Variants in CCNY observed in about 807,000 individuals in gnomAD.
CCNY encodes cyclin Y.
Under a neutral mutation model 42.8 loss-of-function variants are expected in CCNY, and 19 were observed. The ratio of observed to expected loss-of-function variants is 0.44; its 90% CI spans 0.31 to 0.65. CCNY has a LOEUF of 0.65. Ranked by LOEUF, CCNY falls within the 30% of genes least tolerant of loss-of-function variation. The pLI is 0.07. For synonymous variants in CCNY, 165 were observed against 162.7 expected (o/e 1.01, Z -0.11); for missense variants, 370 against 437.3 (o/e 0.85, Z 1.37).
At chr10:35,440,616 T>C (rs183813562) in intron 1 of CCNY, among the ~76,000 whole-genome samples, 16 of 152,278 alleles carry the variant, frequency 1.1e-4, no homozygotes, top group African/African-American at 3.6e-4. Flanking sequence ...TATTCTGCTG[T>C]TTTAGACCCC....
chr10:35,308,071 C>T (rs1000530818), intron 3 of CCNY, among the ~76,000 whole-genome samples: 1 of 151,282 alleles, frequency 6.6e-6, no homozygotes. Flanking sequence ...CCCGCCTCGG[C>T]CTCCCAAAGT....
intron 1 of CCNY, among the ~76,000 whole-genome samples, chr10:35,247,887 A>AAAAG (rs2095709311): frequency 6.6e-6 from 1 of 150,412 alleles, no homozygotes; most frequent in South Asian, 2.1e-4. Flanking sequence ...AAAAAAAAAA[A>AAAAG]AAAAGAAAAG....
intron 3 of CCNY, among the ~76,000 whole-genome samples, chr10:35,288,599 A>G (rs1835379930): frequency 1.3e-5 from 2 of 152,034 alleles, no homozygotes; most frequent in Non-Finnish European, 2.9e-5. Context: ...GTATTTTTCT[A>G]CTTTTAGCAC....
chr10:35,417,410 T>G (rs898736289), intron 1 of CCNY, among the ~76,000 whole-genome samples: 13 of 152,218 alleles, frequency 8.5e-5, no homozygotes, highest in Non-Finnish European at 5.9e-5. Flanking sequence ...TCATTTAACT[T>G]TTCTGCCTTA....
intron 3 of CCNY, chr10:35,315,386 A>C (rs1835743169): frequency 6.6e-6 from 1 of 152,146 alleles, no homozygotes; most frequent in Non-Finnish European, 1.5e-5. Context: ...CTCCTGTGTT[A>C]GTTCACTAAG....
At chr10:35,280,139 C>T (rs986525271) in intron 3 of CCNY, among the ~76,000 whole-genome samples, 5 of 152,138 alleles carry the variant, frequency 3.3e-5, no homozygotes, top group Admixed American at 3.3e-4. Flanking sequence ...CCAGCTTGGG[C>T]TACATGATGA....
intron 8 of CCNY, among the ~76,000 whole-genome samples, chr10:35,557,242 C>T (rs1841378826): frequency 6.6e-6 from 1 of 152,104 alleles, no homozygotes; most frequent in African/African-American, 2.4e-5. Context: ...CACAGTTACC[C>T]ATTTTCTTAG....
intron 3 of CCNY, among the ~76,000 whole-genome samples, chr10:35,502,448 T>C (rs745431788): frequency 1.4e-4 from 22 of 152,222 alleles, no homozygotes; most frequent in Non-Finnish European, 1.6e-4. Flanking sequence ...AGCCATAATG[T>C]TGTATTCTCT....
intron 1 of CCNY, among the ~76,000 whole-genome samples, chr10:35,433,534 A>G (rs1838459968): frequency 6.6e-6 from 1 of 152,132 alleles, no homozygotes; most frequent in Admixed American, 6.5e-5. Context: ...TAGATATGTT[A>G]GTTATTGTAA....
At chr10:35,394,758 C>A (rs1837486266) in intron 1 of CCNY, 1 of 707,530 alleles carries the variant, frequency 1.4e-6, no homozygotes, top group Non-Finnish European at 1.7e-6. Flanking sequence ...GTTTTTCATT[C>A]CTTACTTAAC....
chr10:35,351,469 C>T (rs1281123252), intron 1 of CCNY, among the ~76,000 whole-genome samples: 2 of 152,190 alleles, frequency 1.3e-5, no homozygotes, highest in East Asian at 3.8e-4. Flanking sequence ...AATAGGAGGT[C>T]TCTCAGGGAA....
intron 4 of CCNY, among the ~76,000 whole-genome samples, chr10:35,525,247 A>G (rs985614806): frequency 2.0e-5 from 3 of 152,188 alleles, no homozygotes; most frequent in South Asian, 2.1e-4. Context: ...AGAAAGCTAT[A>G]TATCTTAAGC....
chr10:35,493,069 G>A (rs1320254766), intron 2 of CCNY, among the ~76,000 whole-genome samples: 1 of 152,120 alleles, frequency 6.6e-6, no homozygotes, highest in Admixed American at 6.5e-5. Context: ...TGGGTGCCGT[G>A]GCTCACTTTT....
intron 2 of CCNY, among the ~76,000 whole-genome samples, chr10:35,249,282 A>C (rs554904587): frequency 3.3e-5 from 5 of 152,298 alleles, no homozygotes; most frequent in East Asian, 3.9e-4. Flanking sequence ...ACTAATGTTG[A>C]GTTGTAGAGG....
intron 4 of CCNY, among the ~76,000 whole-genome samples, chr10:35,523,359 T>C (rs1163048670): frequency 6.6e-6 from 1 of 152,198 alleles, no homozygotes; most frequent in Non-Finnish European, 1.5e-5. Context: ...TTTGGGGTGA[T>C]TCCAGCCTCA....
intron 1 of CCNY, among the ~76,000 whole-genome samples, chr10:35,386,109 A>T (rs993690427): frequency 1.3e-5 from 2 of 152,156 alleles, no homozygotes; most frequent in African/African-American, 2.4e-5. Context: ...TTAGCCAAAA[A>T]TTTGTGTCAC....
rs1177122335 is a variant in CCNY at position 35,519,776 on chromosome 10, C to CTTTTTTTTTTT, written c.365+3168_365+3178dup. ...AAGTATCTTCTTTTTCTTTTCTTTTCTTTTTTTTTTTTTTTTTTTTTTTTT... is the reference window on the plus strand; with the variant it reads ...AAGTATCTTCTTTTTCTTTTCTTTTCTTTTTTTTTTTTTTTTTTTTTTTTTTTTTTTTTTTT... On this transcript the variant is annotated intron_variant, in intron 4 of 9. Transcript: ENST00000374704. Among the ~76,000 whole-genome samples the CTTTTTTTTTTT allele has an allele frequency of 3.0e-3, 224 of 74,662 alleles. 11 individuals carry two copies. The highest frequency in any genetic ancestry group is 5.9e-3 in the African/African-American group (102 of 17,384). The allele number at this position is 74,662 out of a possible 152,430, so 49.0% of individuals were successfully genotyped here.
intron 3 of CCNY, among the ~76,000 whole-genome samples, chr10:35,263,720 G>T (rs7901681): frequency 6.6e-6 from 1 of 151,978 alleles, no homozygotes; most frequent in Non-Finnish European, 1.5e-5. Flanking sequence ...TACATGTGCA[G>T]GATGTGCAGA....
chr10:35,409,700 A>G (rs574847514), intron 1 of CCNY, among the ~76,000 whole-genome samples: 39 of 152,342 alleles, frequency 2.6e-4, no homozygotes, highest in African/African-American at 8.7e-4. Flanking sequence ...TAAAACAAAA[A>G]TAAGTAAAAA....
Sources: gnomAD v4.1 joint callset for allele counts (sites outside exome capture counted in the v4.1 genomes callset) on GRCh38, gnomAD v4.1.1 for gene constraint, MANE v1.5 for transcripts, NCBI Gene and HGNC (gene_info 2026-07-23, HGNC 2026-07-21) for gene names.